The following KRT13 variants were observed in gnomAD, a reference collection of about 807,000 sequenced individuals.
The protein encoded by KRT13 is keratin 13.
A neutral mutation model predicts 40.6 loss-of-function variants in KRT13; 27 were observed. The ratio of observed to expected loss-of-function variants is 0.67; its 90% CI spans 0.49 to 0.92. The LOEUF is 0.92. Among genes scored for constraint, KRT13 ranks in the 40% least tolerant of loss-of-function variants. KRT13 has a pLI of 0.00. For synonymous variants in KRT13, 266 were observed against 240.3 expected (o/e 1.11, Z -0.99); for missense variants, 605 against 611.5 (o/e 0.99, Z 0.11).
In KRT13 at chr17:41,502,840, G is replaced by A. The variant is rs547998854; in HGVS notation, c.898-28C>T. On this transcript the variant is annotated intron_variant, in intron 4 of 7. Coordinates refer to ENST00000246635, the MANE Select transcript of KRT13 (RefSeq NM_153490.3). ...GAAATGCAAGCAGGAAGAAGGTGGTGGGGAAGCTCAGCTCGAGCAGCCTGA... is the reference window on the plus strand; with the variant it reads ...GAAATGCAAGCAGGAAGAAGGTGGTAGGGAAGCTCAGCTCGAGCAGCCTGA... 3.0e-5 allele frequency: 48 copies of A among 1,614,146 alleles called. No individual in the cohort carries two copies. In the East Asian group the frequency reaches 9.4e-4, roughly 31 times the overall value.
chr17:41,503,997 G>T (rs77879418), intron 1 of KRT13: 231 of 452,938 alleles, frequency 5.1e-4, no homozygotes, highest in African/African-American at 4.0e-3. Flanking sequence ...CTTGCTCTGG[G>T]GGGTCCACGT....
chr17:41,504,866 ATGCATT>A (rs1435262543), intron 1 of KRT13, among the ~76,000 whole-genome samples, 184 bp downstream of exon 1: 1 of 152,218 alleles, frequency 6.6e-6, no homozygotes, highest in East Asian at 1.9e-4. Context: ...ATGAGAGAAA[ATGCATT>A]TGGGGAGTTG....
At chr17:41,503,215 C>G in intron 3 of KRT13, 72 bp downstream of exon 3, 1 of 1,605,760 alleles carries the variant, frequency 6.2e-7, no homozygotes, top group Non-Finnish European at 8.5e-7. Flanking sequence ...GGACTGTGTC[C>G]AGTTGCAGGG....
At chr17:41,503,467 G>A (rs1207985609) in intron 2 of KRT13, 24 bp from the exon 3 acceptor site, 4 of 1,613,298 alleles carry the variant, frequency 2.5e-6, no homozygotes, top group Non-Finnish European at 3.4e-6. Context: ...AAAATGAAAT[G>A]TTTTTTGAAA....
intron 6 of KRT13, 103 bp downstream of exon 6, chr17:41,502,271 T>C: frequency 6.2e-7 from 1 of 1,609,252 alleles, no homozygotes; most frequent in Non-Finnish European, 8.5e-7. Flanking sequence ...CAGTGAGGGG[T>C]CTCCTCTCTG....
At position 41,501,328 on chromosome 17, in the gene KRT13, C is replaced by T. The variant is rs1195997752; in HGVS notation, c.1305G>A (p.Thr435=). 19 of 1,573,786 alleles carry T rather than the reference C, an allele frequency of 1.2e-5. No individual in the cohort carries two copies. The highest frequency in any genetic ancestry group is 4.0e-5 in the African/African-American group (3 of 74,496). The change falls in exon 8 of 8, where the codon ACG becomes ACA. Residue 435 remains threonine, a synonymous_variant. Transcript: ENST00000246635. ...TGGTGGTAACAGAGGCACTAGAAGT[C>T]GTGGTAACAGAGGTGCTACGGGGGC... The part of the protein sequence containing the change: ...SVSPRSTSVT[T]TSSASVTTTS...
chr17:41,502,451 C>G lies in KRT13; in HGVS notation c.1167G>C (p.Lys389Asn). The G allele has an allele frequency of 6.2e-7, 1 of 1,614,250 alleles. No individual in the cohort carries two copies. The highest frequency in any genetic ancestry group is 8.5e-7 in the Non-Finnish European group (1 of 1,180,042). Residue 389 changes from lysine (K) to asparagine (N), a missense_variant, in exon 6 of 8, where the codon AAG becomes AAC. Physicochemically the swap from Lys to Asn is moderately conservative, Grantham distance 94 (BLOSUM62 0). Coordinates refer to ENST00000246635, the MANE Select transcript of KRT13 (RefSeq NM_153490.3). ...SEMECQNQEY[K>N]MLLDIKTRLE... is the part of the protein sequence containing the mutation. Reference sequence around the variant, plus strand: ...GACGTGTCTTGATGTCCAGCAGCATCTTGTACTCTTGGTTCTGGCACTCCA... The same window carrying G: ...GACGTGTCTTGATGTCCAGCAGCATGTTGTACTCTTGGTTCTGGCACTCCA...
At chr17:41,504,660 C>T (rs1032553864) in intron 1 of KRT13, 9 of 216,988 alleles carry the variant, frequency 4.1e-5, no homozygotes, top group Non-Finnish European at 8.4e-5. Flanking sequence ...ACAAAGTAAA[C>T]AATTATTCCC....
intron 6 of KRT13, chr17:41,502,047 G>T: frequency 2.1e-6 from 3 of 1,415,570 alleles, no homozygotes; most frequent in Non-Finnish European, 2.8e-6. Context: ...TGAGCCCACA[G>T]GGGTGGCTTG....
chr17:41,502,933 G>A lies in KRT13; in HGVS notation c.897+4C>T. 6.2e-7 allele frequency: 1 copy of A among 1,614,138 alleles called. No individual in the cohort carries two copies. On this transcript the variant is annotated splice_donor_region_variant and intron_variant, in intron 4 of 7. Transcript: ENST00000246635. ...GGGCTATGTGGGGTGGGAGGGCCGG[G>A]TACCTTGGTGTGGAACCATTCCTCA...
intron 6 of KRT13, 184 bp from the exon 7 acceptor site, chr17:41,501,928 C>CCTGT (rs1167521831): frequency 2.0e-5 from 30 of 1,482,634 alleles, no homozygotes; most frequent in African/African-American, 7.0e-5. Context: ...GTCTGTCTTT[C>CCTGT]CTGTCTGTCT....
At chr17:41,503,243 A>T (rs781012520) in intron 3 of KRT13, 44 bp downstream of exon 3, 4 of 1,611,334 alleles carry the variant, frequency 2.5e-6, no homozygotes, top group Non-Finnish European at 2.5e-6. Flanking sequence ...CCTCCTTCTC[A>T]CTGGAGGTTG....
At position 41,503,329 on chromosome 17, in the gene KRT13, G is replaced by T. The variant is rs997310517; in HGVS notation, c.693C>A (p.Ser231Arg). ...SKTDLEMQIESLNEELAYMKK... is the reference protein window; with the variant it reads ...SKTDLEMQIERLNEELAYMKK... ...TCATGTAGGCTAGCTCTTCATTCAGGCTCTCGATCTGCATCTCCAGGTCAG... is the reference window on the plus strand; with the variant it reads ...TCATGTAGGCTAGCTCTTCATTCAGTCTCTCGATCTGCATCTCCAGGTCAG... Residue 231 changes from serine to arginine, a missense_variant, in exon 3 of 8, where the codon AGC becomes AGA. Physicochemically the swap from Ser to Arg is moderately radical, Grantham distance 110. Coordinates refer to ENST00000246635, the MANE Select transcript of KRT13 (RefSeq NM_153490.3). The T allele has an allele frequency of 1.2e-6, 2 of 1,614,212 alleles. No homozygotes were observed. The highest frequency in any genetic ancestry group is 1.7e-5 in the Admixed American group (1 of 60,034).
intron 7 of KRT13, 117 bp from the exon 8 acceptor site, chr17:41,501,479 CTCTTT>C: frequency 9.4e-7 from 1 of 1,068,916 alleles, no homozygotes; most frequent in Non-Finnish European, 1.4e-6. Context: ...TGGATGGAGA[CTCTTT>C]ATTGTCCCCA....
At chr17:41,502,283 CA>C in intron 6 of KRT13, 90 bp downstream of exon 6, 1 of 1,611,430 alleles carries the variant, frequency 6.2e-7, no homozygotes, top group Non-Finnish European at 8.5e-7. Flanking sequence ...TCCTCTCTGA[CA>C]TGAGGGGGTG....
chr17:41,505,475 C>T lies in KRT13; in HGVS notation c.76G>A (p.Gly26Ser). Residue 26 changes from glycine (G) to serine (S), a missense_variant, in exon 1 of 8, where the codon GGC becomes AGC. Coordinates refer to ENST00000246635, the MANE Select transcript of KRT13 (RefSeq NM_153490.3). ...FGGGSCQLGG[G>S]RGVSTCSTRF... ...GTTGAACAGGTAGAGACACCACGGC[C>T]TCCTCCCAGCTGGCAAGAGCCACCC... 11 of 1,614,248 alleles carry T rather than the reference C, an allele frequency of 6.8e-6. No individual in the cohort carries two copies. Among genetic ancestry groups the T allele is most frequent in the Non-Finnish European group, 9.3e-6 (11 of 1,180,040 alleles).
rs1369986195 is a variant in KRT13 at position 41,505,552 on chromosome 17, G to GTGAGAGCAGGAT, written c.-14_-3dup. The GTGAGAGCAGGAT allele has an allele frequency of 2.5e-6, 4 of 1,614,108 alleles. No homozygotes were observed. Among genetic ancestry groups the GTGAGAGCAGGAT allele is most frequent in the Admixed American group, 3.3e-5 (2 of 60,016 alleles). On this transcript the variant is annotated 5_prime_UTR_variant, in exon 1 of 8. Transcript: ENST00000246635. ...GGAGCTCTGCAGGCGGAGGCTCATG[G>GTGAGAGCAGGAT]TGAGAGCAGGATTGAGAGCAGGTGC...
intron 7 of KRT13, 154 bp downstream of exon 7, chr17:41,501,565 T>C (rs902768386): frequency 8.9e-5 from 119 of 1,341,380 alleles, no homozygotes; most frequent in Non-Finnish European, 1.1e-4. Flanking sequence ...GGAAAATCAG[T>C]GAGCGAATGA....
In KRT13 at chr17:41,505,167, G is replaced by A. The variant is rs149623369; in HGVS notation, c.384C>T (p.Ala128=). The change falls in exon 1 of 8, where the codon GCC becomes GCT. Residue 128 remains alanine (A), a synonymous_variant. Transcript: ENST00000246635. ...YLEKVRALEE[A]NADLEVKIRD... is the part of the protein sequence containing the mutation. ...GGATCTTCACCTCCAGGTCAGCGTTGGCCTCCTCCAGGGCGCGCACCTTCT... is the reference window on the plus strand; with the variant it reads ...GGATCTTCACCTCCAGGTCAGCGTTAGCCTCCTCCAGGGCGCGCACCTTCT... 9,735 of 1,614,156 alleles carry A rather than the reference G, an allele frequency of 6.0e-3. 163 individuals carry two copies. Among genetic ancestry groups the A allele is most frequent in the African/African-American group, 0.045 (3,372 of 75,030 alleles).
Sources: gnomAD v4.1 joint callset for allele counts (sites outside exome capture counted in the v4.1 genomes callset) on GRCh38, gnomAD v4.1.1 for gene constraint, MANE v1.5 for transcripts, NCBI Gene and HGNC (gene_info 2026-07-23, HGNC 2026-07-21) for gene names.